The following LMNTD1 variants were observed in gnomAD, a reference collection of about 807,000 sequenced individuals.
LMNTD1 encodes the protein lamin tail domain containing 1.
LMNTD1 carries 35 observed loss-of-function variants against 50.9 expected under a neutral mutation model. The observed-to-expected ratio is 0.69, with a 90% CI of 0.53 to 0.91. LMNTD1 has a LOEUF of 0.91. Among genes scored for constraint, LMNTD1 ranks in the 40% least tolerant of loss-of-function variants. The pLI is 0.00. For synonymous variants in LMNTD1, 153 were observed against 161.9 expected, an observed-to-expected ratio of 0.94 and a Z score of 0.42; for missense variants, 470 against 475.5, an observed-to-expected ratio of 0.99 and a Z score of 0.11.
chr12:25,566,287 T>C (rs1266326386), intron 1 of LMNTD1, among the ~76,000 whole-genome samples: 1 of 152,172 alleles, frequency 6.6e-6, no homozygotes, highest in Non-Finnish European at 1.5e-5. Context: ...AGTTTTTTAT[T>C]CTTTTTTTCT....
intron 4 of LMNTD1, among the ~76,000 whole-genome samples, chr12:25,545,032 G>A (rs1480204113): frequency 1.3e-5 from 2 of 151,690 alleles, no homozygotes; most frequent in Non-Finnish European, 3.0e-5. Flanking sequence ...ACAATTCTGG[G>A]TTTTTCCATG....
At chr12:25,609,647 G>A (rs960842520) in intron 1 of LMNTD1, among the ~76,000 whole-genome samples, 1 of 152,222 alleles carries the variant, frequency 6.6e-6, no homozygotes, top group Non-Finnish European at 1.5e-5. Flanking sequence ...GGTATCACCA[G>A]CGGAGGCTGC....
chr12:25,537,887 T>G (rs200211805), intron 4 of LMNTD1, among the ~76,000 whole-genome samples: 1 of 147,610 alleles, frequency 6.8e-6, no homozygotes, highest in East Asian at 2.0e-4. Flanking sequence ...AAGGAGCTGA[T>G]GGAGCTGAAA....
intron 4 of LMNTD1, among the ~76,000 whole-genome samples, chr12:25,527,687 C>T (rs201507266): frequency 0.15 from 4,002 of 26,440 alleles, 212 homozygotes; most frequent in Non-Finnish European, 0.22. Flanking sequence ...TATATACACA[C>T]ACACACACAC....
chr12:25,604,247 A>T (rs934149402), intron 1 of LMNTD1, among the ~76,000 whole-genome samples: 15 of 152,146 alleles, frequency 9.9e-5, no homozygotes, highest in African/African-American at 3.4e-4. Flanking sequence ...ACTTATGGCC[A>T]CATGGGACAA....
chr12:25,564,492 C>T (rs188904787), intron 1 of LMNTD1, among the ~76,000 whole-genome samples: 241 of 152,164 alleles, frequency 1.6e-3, no homozygotes, highest in African/African-American at 5.7e-3. Flanking sequence ...CTCCTGACCT[C>T]GTGATCCACC....
At chr12:25,484,864 A>G (rs1938569776) in intron 9 of LMNTD1, among the ~76,000 whole-genome samples, 1 of 145,082 alleles carries the variant, frequency 6.9e-6, no homozygotes, top group Non-Finnish European at 1.5e-5. Flanking sequence ...ATAGTATTCC[A>G]TGGTGTATAT....
At chr12:25,592,034 C>A (rs1945716143) in intron 1 of LMNTD1, among the ~76,000 whole-genome samples, 1 of 152,060 alleles carries the variant, frequency 6.6e-6, no homozygotes, top group African/African-American at 2.4e-5. Context: ...AATTATAACG[C>A]CTAAGTTCTC....
At chr12:25,552,564 G>T (rs894678944) in intron 2 of LMNTD1, among the ~76,000 whole-genome samples, 1 of 110,420 alleles carries the variant, frequency 9.1e-6, no homozygotes, top group African/African-American at 3.3e-5. Context: ...CCAAGATCGC[G>T]CCACTGCACT....
intron 4 of LMNTD1, among the ~76,000 whole-genome samples, chr12:25,528,404 T>G (rs1345756107): frequency 2.0e-5 from 3 of 152,110 alleles, no homozygotes. Flanking sequence ...ACCATTCAGG[T>G]TGTTTAAATT....
chr12:25,526,726 C>T (rs1202272332), intron 5 of LMNTD1, 43 bp downstream of exon 5: 3 of 1,351,062 alleles, frequency 2.2e-6, no homozygotes, highest in Non-Finnish European at 2.1e-6. Flanking sequence ...ACAAGTTTGT[C>T]CTGTACAATT....
chr12:25,565,773 A>T (rs1343633784), intron 1 of LMNTD1, among the ~76,000 whole-genome samples: 1 of 152,178 alleles, frequency 6.6e-6, no homozygotes, highest in African/African-American at 2.4e-5. Context: ...CACAGGACAG[A>T]TCTGGTGTTG....
intron 1 of LMNTD1, among the ~76,000 whole-genome samples, chr12:25,620,858 C>T (rs73078385): frequency 0.087 from 13,257 of 152,166 alleles, 641 homozygotes; most frequent in Middle Eastern, 0.18. Context: ...GCTTTATACG[C>T]GCTCTACCAT....
intron 8 of LMNTD1, among the ~76,000 whole-genome samples, chr12:25,507,100 T>C (rs1172034358): frequency 1.3e-5 from 2 of 152,082 alleles, no homozygotes; most frequent in African/African-American, 4.8e-5. Context: ...GGTCTCAAAC[T>C]CCTGACCTTA....
intron 1 of LMNTD1, among the ~76,000 whole-genome samples, chr12:25,561,120 G>A (rs897850981): frequency 1.5e-4 from 23 of 152,166 alleles, no homozygotes; most frequent in South Asian, 6.2e-4. Flanking sequence ...TTTTTTGAAG[G>A]GTTTTTTGTG....
rs1941773637 is a variant in LMNTD1 at position 25,527,039 on chromosome 12, T to G, written c.492-84A>C. On this transcript the variant is annotated intron_variant, in intron 4 of 9. Transcript: ENST00000458174. ...CTTTAAGAAGTGATTAATAAACTGCTTGAAAGTTGTTCTTAAACTGTATAT... is the reference window on the plus strand; with the variant it reads ...CTTTAAGAAGTGATTAATAAACTGCGTGAAAGTTGTTCTTAAACTGTATAT... The G allele has an allele frequency of 3.3e-6, 3 of 916,216 alleles. No homozygotes were observed. In the South Asian group the frequency reaches 5.6e-5, roughly 17 times the overall value. The allele number at this position is 916,216 out of a possible 1,614,324, so 56.8% of individuals were successfully genotyped here.
At chr12:25,581,448 G>T (rs190714719) in intron 1 of LMNTD1, among the ~76,000 whole-genome samples, 2 of 152,046 alleles carry the variant, frequency 1.3e-5, no homozygotes, top group Admixed American at 1.3e-4. Flanking sequence ...AACCTATTAG[G>T]ATTAGGAAAG....
Position 25,520,566 on chromosome 12 carries a change from T to C in LMNTD1, c.799-491A>G, listed in dbSNP as rs73298427. 2.6e-5 allele frequency among the ~76,000 whole-genome samples: 4 copies of C among 152,174 alleles called. 1 individual carries two copies. In the South Asian group the frequency reaches 8.3e-4, roughly 32 times the overall value. On this transcript the variant is annotated intron_variant, in intron 6 of 9. Coordinates refer to ENST00000458174, the MANE Select transcript of LMNTD1 (RefSeq NM_001145728.2). ...TTTCTTAAGGCTGAATAATATTCCA[T>C]TGTGTATAGCTACATTTTCTTTATC... is the stretch of plus-strand genomic sequence containing the variant.
intron 8 of LMNTD1, among the ~76,000 whole-genome samples, chr12:25,506,805 G>A (rs1444337564): frequency 6.6e-6 from 1 of 151,520 alleles, no homozygotes; most frequent in Admixed American, 6.6e-5. Flanking sequence ...AAATGTTAAT[G>A]AATAATATAA....
Sources: gnomAD v4.1 joint callset for allele counts (sites outside exome capture counted in the v4.1 genomes callset) on GRCh38, gnomAD v4.1.1 for gene constraint, MANE v1.5 for transcripts, NCBI Gene and HGNC (gene_info 2026-07-23, HGNC 2026-07-21) for gene names.